MBD5: variants seen among roughly 807,000 people sequenced by gnomAD.
MBD5 encodes the protein methyl-CpG binding domain protein 5.
In MBD5, 13 loss-of-function variants were observed where a neutral mutation model predicts 117.3. The ratio of observed to expected loss-of-function variants is 0.11; its 90% CI spans 0.07 to 0.18. The LOEUF (loss-of-function observed/expected upper bound fraction) is 0.18, where lower values mean the gene tolerates loss of function less well. MBD5 is among the 10% of genes least tolerant of loss of function. MBD5 has a pLI of 1.00. For synonymous variants in MBD5, 727 were observed against 766.4 expected, an observed-to-expected ratio of 0.95 and a Z score of 0.85; for missense variants, 1,879 against 2,093.8, an observed-to-expected ratio of 0.90 and a Z score of 2.00.
intron 4 of MBD5, among the ~76,000 whole-genome samples, chr2:148,367,751 A>G (rs1007159326): frequency 2.0e-5 from 3 of 152,238 alleles, no homozygotes; most frequent in Non-Finnish European, 4.4e-5. Context: ...TGGTCATTAG[A>G]GAAATGCAAA....
At chr2:148,104,344 T>A (rs556029390) in intron 1 of MBD5, among the ~76,000 whole-genome samples, 1 of 152,312 alleles carries the variant, frequency 6.6e-6, no homozygotes, top group Non-Finnish European at 1.5e-5. Context: ...TTACAGGTAT[T>A]TTGTGAAGCA....
chr2:148,299,427 CTAAAGAACTTTTT>C, intron 3 of MBD5, among the ~76,000 whole-genome samples: 1 of 41,030 alleles, frequency 2.4e-5, no homozygotes, highest in African/African-American at 5.3e-5. Context: ...CATGCCTGGC[CTAAAGAACTTTTT>C]TAAAGAACTT....
chr2:148,447,490 T>C (rs1172599459), intron 4 of MBD5: 1 of 152,206 alleles, frequency 6.6e-6, no homozygotes, highest in African/African-American at 2.4e-5. Flanking sequence ...AATGGTTATT[T>C]AGCAAAATAA....
chr2:148,034,674 A>G (rs992412592), intron 1 of MBD5, among the ~76,000 whole-genome samples: 14 of 152,320 alleles, frequency 9.2e-5, no homozygotes, highest in African/African-American at 2.9e-4. Flanking sequence ...GTTTCTTCAT[A>G]TTTCACTGCT....
intron 4 of MBD5, among the ~76,000 whole-genome samples, chr2:148,424,316 T>C (rs979694741): frequency 4.1e-5 from 6 of 146,618 alleles, no homozygotes; most frequent in Non-Finnish European, 8.9e-5. Context: ...AAGGGATCAA[T>C]GCAACAAGAA....
intron 4 of MBD5, among the ~76,000 whole-genome samples, chr2:148,428,922 G>C (rs1253486300): frequency 6.6e-6 from 1 of 152,118 alleles, no homozygotes; most frequent in Non-Finnish European, 1.5e-5. Flanking sequence ...TACCATTCAA[G>C]ACATAGGCAT....
chr2:148,134,032 T>C (rs1178934848), intron 1 of MBD5, among the ~76,000 whole-genome samples: 1 of 152,160 alleles, frequency 6.6e-6, no homozygotes, highest in Non-Finnish European at 1.5e-5. Flanking sequence ...TGCTGTGAAT[T>C]TCATAGACAT....
Position 148,280,140 on chromosome 2 carries a change from A to C in MBD5, c.-680+46745A>C, listed in dbSNP as rs1317667120. ...TTTTAAAAACTAACTGCAAAAAAAA[A>C]AAAAAAAAAACAAAAAGAAAAAACA... On this transcript the variant is annotated intron_variant, in intron 3 of 13. Transcript: ENST00000642680. 1.4e-4 allele frequency among the ~76,000 whole-genome samples: 21 copies of C among 150,216 alleles called. 1 individual carries two copies. The highest frequency in any genetic ancestry group is 6.6e-4 in the Admixed American group (10 of 15,132).
chr2:148,375,288 A>G (rs1462866187), intron 4 of MBD5, among the ~76,000 whole-genome samples: 3 of 152,244 alleles, frequency 2.0e-5, no homozygotes, highest in Non-Finnish European at 4.4e-5. Flanking sequence ...ACTGACCAGT[A>G]TAACAGCAAA....
chr2:148,448,939 G>A (rs1706645852), intron 4 of MBD5, among the ~76,000 whole-genome samples: 1 of 151,876 alleles, frequency 6.6e-6, no homozygotes, highest in Admixed American at 6.6e-5. Flanking sequence ...TTTTTAATCA[G>A]TATTCTTTAT....
chr2:148,325,023 T>A (rs1000326623), intron 3 of MBD5, among the ~76,000 whole-genome samples: 1 of 152,218 alleles, frequency 6.6e-6, no homozygotes, highest in African/African-American at 2.4e-5. Flanking sequence ...ATATCTAATT[T>A]GTTGAGAGTT....
At chr2:148,058,852 G>C (rs573548874) in intron 1 of MBD5, among the ~76,000 whole-genome samples, 18 of 152,168 alleles carry the variant, frequency 1.2e-4, no homozygotes, top group Non-Finnish European at 4.4e-5. Context: ...ATTTTTTTGC[G>C]TATTAAACAT....
At position 148,396,832 on chromosome 2, in the gene MBD5, G is replaced by A. The variant is rs185297426; in HGVS notation, c.-557+54496G>A. On this transcript the variant is annotated intron_variant, in intron 4 of 13. Transcript: ENST00000642680. Reference sequence around the variant, plus strand: ...CAACACCCAGGAAGTGCCCTTTTCTGACTTAGATATGATAATGGGTCTCCA... The same window carrying A: ...CAACACCCAGGAAGTGCCCTTTTCTAACTTAGATATGATAATGGGTCTCCA... 9.7e-4 allele frequency among the ~76,000 whole-genome samples: 147 copies of A among 152,258 alleles called. 1 individual carries two copies. Among genetic ancestry groups the A allele is most frequent in the African/African-American group, 3.3e-3 (135 of 41,536 alleles).
intron 1 of MBD5, among the ~76,000 whole-genome samples, chr2:148,150,295 T>G (rs1249161785): frequency 1.3e-5 from 2 of 150,006 alleles, no homozygotes; most frequent in Non-Finnish European, 3.0e-5. Context: ...GTTCCATTGA[T>G]CTATATCTCT....
intron 4 of MBD5, among the ~76,000 whole-genome samples, chr2:148,412,204 T>G (rs2105188771): frequency 6.6e-6 from 1 of 151,980 alleles, no homozygotes; most frequent in South Asian, 2.1e-4. Context: ...TCTATTCCAT[T>G]GGTGTATGTC....
chr2:148,404,430 C>T (rs1705017184), intron 4 of MBD5, among the ~76,000 whole-genome samples: 1 of 152,014 alleles, frequency 6.6e-6, no homozygotes, highest in Non-Finnish European at 1.5e-5. Context: ...CCCTCACATG[C>T]TGAATACTCA....
At chr2:148,276,834 G>T (rs936230842) in intron 3 of MBD5, among the ~76,000 whole-genome samples, 1 of 152,022 alleles carries the variant, frequency 6.6e-6, no homozygotes, top group Non-Finnish European at 1.5e-5. Flanking sequence ...TTATATGTAT[G>T]ATGACTTTTC....
At chr2:148,142,080 A>G (rs1182525251) in intron 1 of MBD5, among the ~76,000 whole-genome samples, 3 of 152,180 alleles carry the variant, frequency 2.0e-5, no homozygotes, top group Non-Finnish European at 4.4e-5. Context: ...AAGCGATAAA[A>G]AGGCAGACAA....
At chr2:148,237,386 T>C (rs1700112447) in intron 3 of MBD5, among the ~76,000 whole-genome samples, 1 of 152,224 alleles carries the variant, frequency 6.6e-6, no homozygotes. Context: ...ATGTGACTCT[T>C]CCTTTCATGT....
Sources: gnomAD v4.1 joint callset for allele counts (sites outside exome capture counted in the v4.1 genomes callset) on GRCh38, gnomAD v4.1.1 for gene constraint, MANE v1.5 for transcripts, NCBI Gene and HGNC (gene_info 2026-07-23, HGNC 2026-07-21) for gene names.